The following KCTD16 variants were observed in gnomAD, a reference collection of about 807,000 sequenced individuals.
The protein encoded by KCTD16 is potassium channel tetramerization domain containing 16, also known as BTB/POZ domain-containing protein KCTD16.
In KCTD16, 13 loss-of-function variants were observed where a neutral mutation model predicts 33.2. That is an observed-to-expected ratio of 0.39 (90% CI 0.25 to 0.62). KCTD16 has a LOEUF of 0.62. Ranked by LOEUF, KCTD16 falls within the 20% of genes least tolerant of loss-of-function variation. The pLI is 0.50. For missense variants in KCTD16, 441 were observed against 525.1 expected (o/e 0.84, Z 1.57); for synonymous variants, 197 against 195.3 (o/e 1.01, Z -0.07).
intron 3 of KCTD16, among the ~76,000 whole-genome samples, chr5:144,445,381 G>C (rs1246272317): frequency 6.6e-6 from 1 of 152,018 alleles, no homozygotes; most frequent in Non-Finnish European, 1.5e-5. Context: ...ACAGTGGACT[G>C]CAATTCGAAT....
intron 3 of KCTD16, among the ~76,000 whole-genome samples, chr5:144,278,890 G>T (rs1040114071): frequency 2.4e-4 from 36 of 152,160 alleles, no homozygotes; most frequent in African/African-American, 8.7e-4. Context: ...TATACGTATA[G>T]ATCAATTTCG....
chr5:144,425,282 G>C (rs1041697614), intron 3 of KCTD16, among the ~76,000 whole-genome samples: 45 of 152,186 alleles, frequency 3.0e-4, no homozygotes, highest in African/African-American at 9.4e-4. Flanking sequence ...AATGTCCTTT[G>C]ACTCCATGTC....
chr5:144,224,624 C>T (rs538059572), intron 3 of KCTD16, among the ~76,000 whole-genome samples: 7 of 152,036 alleles, frequency 4.6e-5, no homozygotes, highest in South Asian at 4.2e-4. Context: ...CTTGGTAATT[C>T]GCTTCTTTTT....
chr5:144,470,344 T>C (rs1457630097), intron 3 of KCTD16, among the ~76,000 whole-genome samples: 1 of 152,078 alleles, frequency 6.6e-6, no homozygotes, highest in Non-Finnish European at 1.5e-5. Flanking sequence ...GGGAAGAGGG[T>C]AGTCAGGCAG....
chr5:144,427,653 C>T (rs1295782250), intron 3 of KCTD16, among the ~76,000 whole-genome samples: 4 of 152,112 alleles, frequency 2.6e-5, no homozygotes, highest in Non-Finnish European at 5.9e-5. Flanking sequence ...CAGATTCCTG[C>T]TATCATCCCC....
chr5:144,387,363 G>A lies in KCTD16; in HGVS notation c.833-86297G>A, dbSNP rs189058215. On this transcript the variant is annotated intron_variant, in intron 3 of 3. Transcript: ENST00000512467. ...TTGTTTTCTCCATTTTATAGATGAA[G>A]GAGCTCCTTTTTTGAGAAAAAATAA... Among the ~76,000 whole-genome samples, 74 of 152,134 alleles carry A rather than the reference G, an allele frequency of 4.9e-4. 1 individual carries two copies. Among genetic ancestry groups the A allele is most frequent in the Middle Eastern group, 3.4e-3 (1 of 294 alleles).
intron 3 of KCTD16, among the ~76,000 whole-genome samples, chr5:144,299,092 C>CTATGTATA (rs1561558317): frequency 7.5e-5 from 1 of 13,328 alleles, no homozygotes; most frequent in South Asian, 2.0e-3. Flanking sequence ...ATATATATCA[C>CTATGTATA]TATGTATATA....
At chr5:144,181,931 TAAAAATACAGA>T (rs1752633757) in intron 2 of KCTD16, among the ~76,000 whole-genome samples, 1 of 152,048 alleles carries the variant, frequency 6.6e-6, no homozygotes, top group African/African-American at 2.4e-5. Context: ...CCATCTCTAC[TAAAAATACAGA>T]AATTAGCCAG....
rs1561618142 is a variant in KCTD16 at position 144,465,186 on chromosome 5, C to CCG, written c.833-8473_833-8472insGC. Among the ~76,000 whole-genome samples the CCG allele has an allele frequency of 1.4e-4, 15 of 106,014 alleles. 1 individual carries two copies. Among genetic ancestry groups the CCG allele is most frequent in the Non-Finnish European group, 2.5e-4 (13 of 52,290 alleles). The allele number at this position is 106,014 out of a possible 152,430, so 69.5% of individuals were successfully genotyped here. ...TCACATACATAGTCTCTCTCTCCCC[C>CCG]CCCTCTCTCTCTCACTCTCTCTCTC... On this transcript the variant is annotated intron_variant, in intron 3 of 3. Transcript: ENST00000512467.
intron 3 of KCTD16, among the ~76,000 whole-genome samples, chr5:144,355,469 T>A (rs1751550039): frequency 6.6e-6 from 1 of 152,056 alleles, no homozygotes; most frequent in African/African-American, 2.4e-5. Flanking sequence ...GTACCACCCA[T>A]TGGGAAGAGA....
At chr5:144,467,191 G>T (rs756170040) in intron 3 of KCTD16, among the ~76,000 whole-genome samples, 1 of 149,354 alleles carries the variant, frequency 6.7e-6, no homozygotes, top group African/African-American at 2.5e-5. Context: ...TTCTCTCTGG[G>T]TCAGTATGTT....
At chr5:144,267,528 T>C (rs1353788314) in intron 3 of KCTD16, among the ~76,000 whole-genome samples, 1 of 152,206 alleles carries the variant, frequency 6.6e-6, no homozygotes, top group Non-Finnish European at 1.5e-5. Flanking sequence ...ATTTAATAAA[T>C]GAATCAGTGC....
rs370618455 is a variant in KCTD16 at position 144,196,554 on chromosome 5, A to G, written c.-326-9835A>G. Reference sequence around the variant, plus strand: ...AGTAATTGCAGCTTCTATGTCCTGTATTATGGCACATCAACAACACAGATG... The same window carrying G: ...AGTAATTGCAGCTTCTATGTCCTGTGTTATGGCACATCAACAACACAGATG... On this transcript the variant is annotated intron_variant, in intron 2 of 3. Transcript: ENST00000512467. Among the ~76,000 whole-genome samples the G allele has an allele frequency of 9.9e-5, 15 of 152,278 alleles. No individual in the cohort carries two copies. The East Asian group carries it at 2.3e-3, about 24-fold the overall frequency.
chr5:144,475,893 A>G lies in KCTD16; in HGVS notation c.*1779A>G, dbSNP rs1754583244. 1 of 152,240 alleles carries G rather than the reference A, an allele frequency of 6.6e-6. No homozygotes were observed. Among genetic ancestry groups the G allele is most frequent in the Non-Finnish European group, 1.5e-5 (1 of 68,024 alleles). The allele number at this position is 152,240 out of a possible 1,614,324, so 9.4% of individuals were successfully genotyped here. On this transcript the variant is annotated 3_prime_UTR_variant, in exon 4 of 4. Transcript: ENST00000512467. ...CACACTAGGATGACAGACTCAGCTAATGTTTCCTTGTCCTGAAGGTTTGAA... is the reference window on the plus strand; with the variant it reads ...CACACTAGGATGACAGACTCAGCTAGTGTTTCCTTGTCCTGAAGGTTTGAA...
intron 2 of KCTD16, among the ~76,000 whole-genome samples, chr5:144,185,766 C>A (rs538235408): frequency 6.5e-4 from 99 of 152,040 alleles, no homozygotes; most frequent in African/African-American, 1.2e-3. Flanking sequence ...TAAAAAAAAA[C>A]CCCTTTCTTG....
At chr5:144,416,760 T>C (rs1395538227) in intron 3 of KCTD16, among the ~76,000 whole-genome samples, 1 of 152,188 alleles carries the variant, frequency 6.6e-6, no homozygotes, top group Non-Finnish European at 1.5e-5. Context: ...TCCTTAACCA[T>C]TAACCAGTTT....
At chr5:144,322,714 A>T (rs1752105543) in intron 3 of KCTD16, among the ~76,000 whole-genome samples, 1 of 150,966 alleles carries the variant, frequency 6.6e-6, no homozygotes, top group Non-Finnish European at 1.5e-5. Context: ...CAACAAAAGG[A>T]CATAAACTTT....
At position 144,482,920 on chromosome 5, in the gene KCTD16, G is replaced by A. The variant is rs1220711825; in HGVS notation, c.*8806G>A. On this transcript the variant is annotated 3_prime_UTR_variant, in exon 4 of 4. Coordinates refer to ENST00000512467, the MANE Select transcript of KCTD16 (RefSeq NM_020768.4). ...ACAATTTATATTTGGTTTCCTAGAC[G>A]GTCTAATATAGTTCTAATTTCCAAA... is the stretch of plus-strand genomic sequence containing the variant. 4.0e-5 allele frequency: 6 copies of A among 151,230 alleles called. No homozygotes were observed. The highest frequency in any genetic ancestry group is 8.9e-5 in the Non-Finnish European group (6 of 67,772). The allele number at this position is 151,230 out of a possible 1,614,324, so 9.4% of individuals were successfully genotyped here. A position where few individuals can be genotyped will look rare whatever the true frequency, so the allele number is the denominator to read the frequency against.
chr5:144,295,396 G>T (rs1756008360), intron 3 of KCTD16, among the ~76,000 whole-genome samples: 1 of 152,200 alleles, frequency 6.6e-6, no homozygotes, highest in Non-Finnish European at 1.5e-5. Context: ...GGAGAAACTT[G>T]TAAATAATCA....
Sources: allele counts gnomAD v4.1 joint callset (sites outside exome capture counted in the v4.1 genomes callset), GRCh38; gene constraint gnomAD v4.1.1; transcripts MANE v1.5; gene names NCBI Gene and HGNC (gene_info 2026-07-23, HGNC 2026-07-21).